Variants in RBFOX1 observed in about 807,000 individuals in gnomAD.
RBFOX1 encodes RNA binding protein fox-1 homolog 1.
RBFOX1 carries 8 observed loss-of-function variants against 57.7 expected under a neutral mutation model. That is an observed-to-expected ratio of 0.14 (90% CI 0.08 to 0.25). The LOEUF is 0.25. Among genes scored for constraint, RBFOX1 ranks in the 10% least tolerant of loss-of-function variants. The probability of loss-of-function intolerance (pLI) is 1.00; values close to 1 mark genes in which losing one functional copy is unlikely to be tolerated. For synonymous variants in RBFOX1, 326 were observed against 222.4 expected (o/e 1.47, Z -4.15); for missense variants, 611 against 548.5 (o/e 1.11, Z -1.14).
At chr16:5,564,153 T>A (rs1435513758) in intron 2 of RBFOX1, among the ~76,000 whole-genome samples, 1 of 152,018 alleles carries the variant, frequency 6.6e-6, no homozygotes, top group Non-Finnish European at 1.5e-5. Flanking sequence ...GCTGAGATTA[T>A]GGTCCGCACC....
chr16:7,263,767 G>C (rs765171760), intron 4 of RBFOX1, among the ~76,000 whole-genome samples: 3 of 151,942 alleles, frequency 2.0e-5, no homozygotes, highest in Non-Finnish European at 4.4e-5. Context: ...GTGGTGGCAC[G>C]TGCCTGTAAT....
intron 2 of RBFOX1, among the ~76,000 whole-genome samples, chr16:6,339,923 C>T (rs2084297743): frequency 1.3e-5 from 2 of 151,996 alleles, no homozygotes; most frequent in Admixed American, 1.3e-4. Flanking sequence ...ATGATCCACC[C>T]ACCTCGTCCT....
chr16:6,451,461 C>T (rs986149414), intron 2 of RBFOX1, among the ~76,000 whole-genome samples: 14 of 152,100 alleles, frequency 9.2e-5, no homozygotes, highest in African/African-American at 3.4e-4. Context: ...TGCAAGGAGA[C>T]AGAGAGACTC....
At chr16:7,140,157 CCTCTCTCTCTCT>C (rs57128710) in intron 4 of RBFOX1, among the ~76,000 whole-genome samples, 6 of 70,888 alleles carry the variant, frequency 8.5e-5, no homozygotes, top group East Asian at 3.5e-4. Flanking sequence ...TCCTTCTCTC[CCTCTCTCTCTCT>C]CTCTCTCTCT....
intron 4 of RBFOX1, among the ~76,000 whole-genome samples, chr16:7,329,822 A>G (rs545666972): frequency 6.6e-5 from 10 of 152,292 alleles, no homozygotes; most frequent in Admixed American, 1.3e-4. Flanking sequence ...AAAACAGAAA[A>G]TATCCCCGGC....
At chr16:7,587,140 T>C (rs1043092655) in intron 6 of RBFOX1, 107 bp from the exon 7 acceptor site, 83 of 1,249,280 alleles carry the variant, frequency 6.6e-5, no homozygotes, top group Non-Finnish European at 7.6e-5. Flanking sequence ...TGTGTATCCT[T>C]GGTATTAAAA....
At chr16:7,631,877 G>C (rs890796065) in intron 11 of RBFOX1, among the ~76,000 whole-genome samples, 4 of 152,216 alleles carry the variant, frequency 2.6e-5, no homozygotes, top group African/African-American at 9.6e-5. Flanking sequence ...CCAAGGGTCT[G>C]AAGTCTTCAG....
At chr16:7,247,340 C>G (rs1311601287) in intron 4 of RBFOX1, among the ~76,000 whole-genome samples, 1 of 152,084 alleles carries the variant, frequency 6.6e-6, no homozygotes, top group Non-Finnish European at 1.5e-5. Context: ...GTGGAGGGGA[C>G]ACTCACAGCC....
intron 4 of RBFOX1, among the ~76,000 whole-genome samples, chr16:7,500,979 T>C (rs553418493): frequency 1.2e-3 from 183 of 152,316 alleles, no homozygotes; most frequent in African/African-American, 4.3e-3. Context: ...TCGGCCCTTG[T>C]CCTTCCTGCT....
At chr16:7,668,152 G>T (rs1279305896) in intron 13 of RBFOX1, among the ~76,000 whole-genome samples, 1 of 152,144 alleles carries the variant, frequency 6.6e-6, no homozygotes, top group South Asian at 2.1e-4. Context: ...GGCTTTTCTA[G>T]GTGCCCTGCT....
rs140950884 is a variant in RBFOX1, at chr16:6,799,269, C to T, written c.-16+144619C>T. On this transcript the variant is annotated intron_variant, in intron 3 of 15. Transcript: ENST00000550418. ...GACACAGCAGGGCCACCCCACAGGC[C>T]GAGTAGCACTCCTGGATTGTTGGCT... Among the ~76,000 whole-genome samples the T allele has an allele frequency of 8.7e-4, 132 of 152,134 alleles. 1 individual carries two copies. Among genetic ancestry groups the T allele is most frequent in the East Asian group, 3.1e-3 (16 of 5,166 alleles).
chr16:6,720,845 A>G (rs2065851261), intron 3 of RBFOX1, among the ~76,000 whole-genome samples: 1 of 152,222 alleles, frequency 6.6e-6, no homozygotes, highest in East Asian at 1.9e-4. Flanking sequence ...ACAAGTGAAT[A>G]TCAGAACCAT....
At chr16:6,924,630 A>G (rs915508149) in intron 3 of RBFOX1, among the ~76,000 whole-genome samples, 3 of 151,206 alleles carry the variant, frequency 2.0e-5, no homozygotes, top group Non-Finnish European at 3.0e-5. Flanking sequence ...GCAAGTACCT[A>G]CCTCTTGTCC....
intron 4 of RBFOX1, among the ~76,000 whole-genome samples, chr16:7,393,741 T>A (rs146145586): frequency 6.6e-6 from 1 of 152,144 alleles, no homozygotes; most frequent in Non-Finnish European, 1.5e-5. Flanking sequence ...GGCCACAAGG[T>A]GTCCCCCAGG....
rs182448686 is a variant in RBFOX1, at chr16:5,425,603, A to G, written c.220-41613A>G. Among the ~76,000 whole-genome samples, 194 of 152,334 alleles carry G rather than the reference A, an allele frequency of 1.3e-3. 1 individual carries two copies. The highest frequency in any genetic ancestry group is 4.5e-3 in the African/African-American group (187 of 41,578). ...TCTTGTGGATTCCCACATCCAAGAA[A>G]GAGAGAACGTGTCCTTTCTCTTTGA... On this transcript the variant is annotated intron_variant, in intron 1 of 2. Transcript: ENST00000585867.
chr16:7,231,080 C>T (rs917382562), intron 4 of RBFOX1, among the ~76,000 whole-genome samples: 1 of 152,138 alleles, frequency 6.6e-6, no homozygotes, highest in Non-Finnish European at 1.5e-5. Context: ...CCTCCAGAAT[C>T]TACCTCTCCA....
intron 4 of RBFOX1, among the ~76,000 whole-genome samples, chr16:7,361,534 C>G (rs972572310): frequency 6.6e-6 from 1 of 152,158 alleles, no homozygotes; most frequent in South Asian, 2.1e-4. Flanking sequence ...CCAGGTGAGT[C>G]CGAAGGTGGC....
At chr16:5,998,816 T>A (rs969716610) in intron 4 of RBFOX1, among the ~76,000 whole-genome samples, 4 of 152,220 alleles carry the variant, frequency 2.6e-5, no homozygotes, top group African/African-American at 7.2e-5. Flanking sequence ...CAGATGTTAC[T>A]ACGTATATAA....
intron 2 of RBFOX1, among the ~76,000 whole-genome samples, chr16:6,536,405 C>A (rs942523975): frequency 6.6e-6 from 1 of 152,124 alleles, no homozygotes; most frequent in African/African-American, 2.4e-5. Flanking sequence ...AATTTCTGTC[C>A]CCTATTGTCC....
Sources: allele counts gnomAD v4.1 joint callset (sites outside exome capture counted in the v4.1 genomes callset), GRCh38; gene constraint gnomAD v4.1.1; transcripts MANE v1.5; gene names NCBI Gene and HGNC (gene_info 2026-07-23, HGNC 2026-07-21).